Variants in LRMDA observed in about 807,000 individuals in gnomAD.
The protein encoded by LRMDA is leucine rich melanocyte differentiation associated, also known as leucine-rich melanocyte differentiation-associated protein.
LRMDA carries 18 observed loss-of-function variants against 29.8 expected under a neutral mutation model. That is an observed-to-expected ratio of 0.60 (90% CI 0.42 to 0.90). The LOEUF is 0.90. Ranked by LOEUF, LRMDA falls within the 40% of genes least tolerant of loss-of-function variation. LRMDA has a pLI of 0.00. For missense variants in LRMDA, 273 were observed against 273.9 expected (o/e 1.00, Z 0.02); for synonymous variants, 125 against 109.4 (o/e 1.14, Z -0.89).
chr10:76,356,224 T>A (rs1165179165), intron 6 of LRMDA, among the ~76,000 whole-genome samples: 1 of 152,232 alleles, frequency 6.6e-6, no homozygotes, highest in Non-Finnish European at 1.5e-5. Context: ...AGATGGTAGT[T>A]ATTATTCCAA....
intron 5 of LRMDA, among the ~76,000 whole-genome samples, chr10:76,136,670 A>G (rs567440261): frequency 1.1e-3 from 165 of 152,220 alleles, no homozygotes; most frequent in Non-Finnish European, 1.9e-3. Flanking sequence ...AAATGTAGAT[A>G]TAGCAAGTTT....
intron 5 of LRMDA, among the ~76,000 whole-genome samples, chr10:76,273,044 T>C (rs1274699136): frequency 1.3e-5 from 2 of 152,176 alleles, no homozygotes; most frequent in African/African-American, 2.4e-5. Context: ...ACCACTTATT[T>C]TTTTTTCTTG....
intron 2 of LRMDA, among the ~76,000 whole-genome samples, chr10:75,749,989 C>G (rs1417159841): frequency 6.6e-6 from 1 of 152,240 alleles, no homozygotes; most frequent in African/African-American, 2.4e-5. Flanking sequence ...AAGAATTTTT[C>G]TTAGTACAGA....
intron 6 of LRMDA, among the ~76,000 whole-genome samples, chr10:76,539,598 C>A (rs1843330084): frequency 6.6e-6 from 1 of 152,106 alleles, no homozygotes. Context: ...CCTGAGCAAT[C>A]CCTCCTTTTA....
chr10:76,277,843 A>T (rs532846042), intron 5 of LRMDA, among the ~76,000 whole-genome samples: 1 of 152,284 alleles, frequency 6.6e-6, no homozygotes, highest in South Asian at 2.1e-4. Context: ...TGTGATCTTT[A>T]TTGGAATAGC....
chr10:76,387,827 T>C (rs1287819405), intron 6 of LRMDA, among the ~76,000 whole-genome samples: 2 of 152,178 alleles, frequency 1.3e-5, no homozygotes, highest in Non-Finnish European at 2.9e-5. Context: ...AAAAGCTACA[T>C]AGAGCATCTC....
At chr10:76,198,681 C>T (rs1851374601) in intron 5 of LRMDA, among the ~76,000 whole-genome samples, 1 of 152,170 alleles carries the variant, frequency 6.6e-6, no homozygotes, top group Non-Finnish European at 1.5e-5. Flanking sequence ...AGGAGCTGCC[C>T]CCAGTCACAG....
chr10:75,884,157 G>A (rs1334761472), intron 2 of LRMDA, among the ~76,000 whole-genome samples: 5 of 151,714 alleles, frequency 3.3e-5, no homozygotes, highest in African/African-American at 9.7e-5. Context: ...TTTGGCAGGT[G>A]GGTGTTGAAT....
At chr10:75,857,168 G>T (rs1844841990) in intron 2 of LRMDA, among the ~76,000 whole-genome samples, 1 of 152,216 alleles carries the variant, frequency 6.6e-6, no homozygotes, top group Non-Finnish European at 1.5e-5. Context: ...GATTTGTGCT[G>T]AGGATTAAAT....
intron 2 of LRMDA, among the ~76,000 whole-genome samples, chr10:75,971,462 C>A (rs906299604): frequency 2.0e-5 from 3 of 152,160 alleles, no homozygotes; most frequent in Admixed American, 6.5e-5. Context: ...TTGAGTGAAG[C>A]TTTTATCACT....
rs768894244 is a variant in LRMDA, at chr10:75,917,888, G to A, written c.132-118120G>A. Among the ~76,000 whole-genome samples the A allele has an allele frequency of 5.3e-5, 8 of 152,260 alleles. No homozygotes were observed. The East Asian group carries it at 1.5e-3, about 29-fold the overall frequency. ...TTGGTACTTGGTGCTTGCAGGAGCA[G>A]CATCCTGCAGGGAAGGCTCACAGGC... On this transcript the variant is annotated intron_variant, in intron 2 of 6. Transcript: ENST00000611255.
At chr10:75,534,936 A>T (rs1247292757) in intron 2 of LRMDA, among the ~76,000 whole-genome samples, 1 of 152,124 alleles carries the variant, frequency 6.6e-6, no homozygotes, top group African/African-American at 2.4e-5. Flanking sequence ...ATTTCTCTAT[A>T]CCCATAAGCT....
intron 6 of LRMDA, among the ~76,000 whole-genome samples, chr10:76,491,477 G>A (rs905776110): frequency 6.6e-6 from 1 of 151,470 alleles, no homozygotes; most frequent in Non-Finnish European, 1.5e-5. Flanking sequence ...TTTTTCCTTT[G>A]GCACTTTAAA....
rs554924706 is a variant in LRMDA at position 76,144,639 on chromosome 10, G to C, written c.516+85856G>C. On this transcript the variant is annotated intron_variant, in intron 5 of 6. Coordinates refer to ENST00000611255, the MANE Select transcript of LRMDA (RefSeq NM_001305581.2). ...GATACACAATCATGTCATCTGCAAA[G>C]AGGGACAATTTGACTTCCTCTTTTC... 4.5e-4 allele frequency among the ~76,000 whole-genome samples: 69 copies of C among 152,198 alleles called. 1 individual carries two copies. The South Asian group carries it at 5.4e-3, about 12-fold the overall frequency.
chr10:76,363,153 G>T (rs1841334551), intron 6 of LRMDA, among the ~76,000 whole-genome samples: 1 of 39,376 alleles, frequency 2.5e-5, no homozygotes, highest in Non-Finnish European at 5.0e-5. Flanking sequence ...AAGAAAGAAA[G>T]AAAGAAAGAA....
chr10:75,578,664 C>A (rs949160818), intron 2 of LRMDA, among the ~76,000 whole-genome samples: 2 of 151,992 alleles, frequency 1.3e-5, no homozygotes, highest in African/African-American at 4.8e-5. Context: ...CACTCCTCAG[C>A]AAATGCAAAA....
chr10:76,470,619 T>C (rs1329051396), intron 6 of LRMDA: 1 of 152,050 alleles, frequency 6.6e-6, no homozygotes, highest in African/African-American at 2.4e-5. Flanking sequence ...AAGATTATTC[T>C]AAGTGAAATA....
intron 2 of LRMDA, among the ~76,000 whole-genome samples, chr10:75,601,076 T>C (rs1053018369): frequency 1.2e-4 from 19 of 152,358 alleles, no homozygotes; most frequent in Admixed American, 1.2e-3. Context: ...ATGTGATTTG[T>C]TATTGAATGA....
At chr10:76,104,462 A>G (rs970178166) in intron 5 of LRMDA, among the ~76,000 whole-genome samples, 4 of 151,988 alleles carry the variant, frequency 2.6e-5, no homozygotes, top group Non-Finnish European at 4.4e-5. Flanking sequence ...GGCTGTGTCC[A>G]TCCAGGACTA....
Sources: gnomAD v4.1 joint callset for allele counts (sites outside exome capture counted in the v4.1 genomes callset) on GRCh38, gnomAD v4.1.1 for gene constraint, MANE v1.5 for transcripts, NCBI Gene and HGNC (gene_info 2026-07-23, HGNC 2026-07-21) for gene names.